DGKD: variants seen among roughly 807,000 people sequenced by gnomAD.
The protein encoded by DGKD is diacylglycerol kinase delta, also known as DAG kinase delta.
A neutral mutation model predicts 154.4 loss-of-function variants in DGKD; 68 were observed. The ratio of observed to expected loss-of-function variants is 0.44; its 90% CI spans 0.36 to 0.54. DGKD has a LOEUF of 0.54. Ranked by LOEUF, DGKD falls within the 20% of genes least tolerant of loss-of-function variation. DGKD has a pLI of 0.00. For synonymous variants in DGKD, 693 were observed against 638.0 expected (o/e 1.09, Z -1.30); for missense variants, 1,343 against 1,593.6 (o/e 0.84, Z 2.68).
At chr2:233,461,625 C>T (rs1309335981) in intron 24 of DGKD, among the ~76,000 whole-genome samples, 1 of 152,266 alleles carries the variant, frequency 6.6e-6, no homozygotes, top group Non-Finnish European at 1.5e-5. Context: ...CTTCTGGTGG[C>T]CTCCCCTGGA....
At position 233,449,339 on chromosome 2, in the gene DGKD, G is replaced by T; in HGVS notation, c.1851G>T (p.Lys617Asn). The change falls in exon 15 of 30, where the codon AAG becomes AAT. Residue 617 changes from lysine (K) to asparagine (N), a missense_variant. Lys to Asn is a moderately conservative substitution (Grantham distance 94). This residue lies in a region of DGKD where 409 missense variants were observed against 446.0 expected (regional missense o/e 0.92). Coordinates refer to ENST00000264057, the MANE Select transcript of DGKD (RefSeq NM_152879.3). The surrounding 1 kb of genome is among the most constrained non-coding windows in gnomAD (Gnocchi z 5.3). ...EQLMLRANSL[K>N]KAIRQIIEHT... ...TCATGCTGAGAGCCAACAGCCTGAA[G>T]AAAGCAATTCGTCAGATCATAGAAC... 1 of 1,607,696 alleles carries T rather than the reference G, an allele frequency of 6.2e-7. No individual in the cohort carries two copies. The highest frequency in any genetic ancestry group is 1.1e-5 in the South Asian group (1 of 90,976).
At chr2:233,388,411 G>A in intron 2 of DGKD, 44 bp downstream of exon 2, 1 of 1,569,356 alleles carries the variant, frequency 6.4e-7, no homozygotes, top group Non-Finnish European at 8.6e-7. Context: ...CATCACAGGA[G>A]CCGTCCCAGG....
rs201907264 is a variant in DGKD at position 233,405,162 on chromosome 2, T to C, written c.348+14679T>C. Among the ~76,000 whole-genome samples the C allele has an allele frequency of 6.2e-3, 940 of 152,352 alleles. 17 individuals are homozygous for C. The East Asian group carries it at 0.079, about 13-fold the overall frequency. Reference sequence around the variant, plus strand: ...ATGTTGTTATGGTTTGATTGTGTCCTCCAAAGTTCATGTGTTGGAAACTGA... The same window carrying C: ...ATGTTGTTATGGTTTGATTGTGTCCCCCAAAGTTCATGTGTTGGAAACTGA... On this transcript the variant is annotated intron_variant, in intron 3 of 29. Coordinates refer to ENST00000264057, the MANE Select transcript of DGKD (RefSeq NM_152879.3).
At position 233,460,396 on chromosome 2, in the gene DGKD, G is replaced by C. The variant is rs1306002310; in HGVS notation, c.2981+51G>C. The C allele has an allele frequency of 1.9e-6, 3 of 1,601,256 alleles. No homozygotes were observed. The African/African-American group carries it at 4.0e-5, about 21-fold the overall frequency. ...GCATGAGCCTCCCCCAGGGTCCCTGGGACTGCACTCTTCCAAGGCCCCTGG... is the reference window on the plus strand; with the variant it reads ...GCATGAGCCTCCCCCAGGGTCCCTGCGACTGCACTCTTCCAAGGCCCCTGG... On this transcript the variant is annotated intron_variant, in intron 24 of 29. Coordinates refer to ENST00000264057, the MANE Select transcript of DGKD (RefSeq NM_152879.3).
intron 3 of DGKD, among the ~76,000 whole-genome samples, chr2:233,422,823 C>T (rs564521706): frequency 6.6e-6 from 1 of 152,170 alleles, no homozygotes; most frequent in Non-Finnish European, 1.5e-5. Context: ...TTGCACAACT[C>T]CAGTACAATG....
intron 3 of DGKD, among the ~76,000 whole-genome samples, chr2:233,395,640 A>G (rs959969969): frequency 1.1e-3 from 72 of 65,994 alleles, no homozygotes; most frequent in Admixed American, 2.2e-3. Flanking sequence ...CTCTTTTTCT[A>G]TCTTCCTTTC....
chr2:233,452,188 C>A lies in DGKD; in HGVS notation c.2264+128C>A. The A allele has an allele frequency of 2.3e-6, 2 of 865,822 alleles. No homozygotes were observed. The highest frequency in any genetic ancestry group is 1.5e-5 in the South Asian group (1 of 64,732). The allele number at this position is 865,822 out of a possible 1,614,324, so 53.6% of individuals were successfully genotyped here. On this transcript the variant is annotated intron_variant, in intron 18 of 29. Transcript: ENST00000264057. The surrounding 1 kb of genome is among the most constrained non-coding windows in gnomAD (Gnocchi z 4.0). Reference sequence around the variant, plus strand: ...AGCTGGTGGTAGCTGATAAGGAAGGCTGAGAAGTCGTGGAGATTCCACTTA... The same window carrying A: ...AGCTGGTGGTAGCTGATAAGGAAGGATGAGAAGTCGTGGAGATTCCACTTA...
At chr2:233,389,792 C>T (rs565937576) in intron 2 of DGKD, among the ~76,000 whole-genome samples, 4 of 152,244 alleles carry the variant, frequency 2.6e-5, no homozygotes, top group South Asian at 2.1e-4. Context: ...GAGAGGGAGA[C>T]GGGGGAGGTC....
At chr2:233,429,770 C>T (rs777837044) in intron 3 of DGKD, among the ~76,000 whole-genome samples, 8 of 152,336 alleles carry the variant, frequency 5.3e-5, no homozygotes, top group East Asian at 3.9e-4. Flanking sequence ...CTGCCTTTGC[C>T]GTCTCTCCTT....
At chr2:233,381,950 T>C (rs1702926016) in intron 1 of DGKD, among the ~76,000 whole-genome samples, 1 of 152,138 alleles carries the variant, frequency 6.6e-6, no homozygotes, top group Non-Finnish European at 1.5e-5. Context: ...ATATGCAAAT[T>C]GGGCCAGGTG....
intron 16 of DGKD, among the ~76,000 whole-genome samples, 194 bp downstream of exon 16, chr2:233,450,325 G>C (rs922753059): frequency 6.6e-6 from 1 of 152,128 alleles, no homozygotes; most frequent in Admixed American, 6.5e-5. Context: ...TGTGCGGTCT[G>C]TCTTGGTGGA....
At chr2:233,363,789 G>A (rs1264872023) in intron 1 of DGKD, among the ~76,000 whole-genome samples, 1 of 152,216 alleles carries the variant, frequency 6.6e-6, no homozygotes, top group Non-Finnish European at 1.5e-5. Flanking sequence ...TTGAGTTATA[G>A]TTGCCTACAG....
chr2:233,358,485 C>T lies in DGKD; in HGVS notation c.156+3811C>T, dbSNP rs1229215285. Among the ~76,000 whole-genome samples the T allele has an allele frequency of 2.0e-5, 3 of 152,276 alleles. No individual in the cohort carries two copies. In the East Asian group the frequency reaches 5.8e-4, roughly 29 times the overall value. On this transcript the variant is annotated intron_variant, in intron 1 of 29. Transcript: ENST00000264057. ...TATGAGATATAATTCACATGGGATACAGTTCAGTGGTTGTTAGTATATTCG... is the reference window on the plus strand; with the variant it reads ...TATGAGATATAATTCACATGGGATATAGTTCAGTGGTTGTTAGTATATTCG...
At chr2:233,443,208 C>T (rs377104232) in intron 10 of DGKD, among the ~76,000 whole-genome samples, 50 of 152,302 alleles carry the variant, frequency 3.3e-4, no homozygotes, top group East Asian at 2.7e-3. Context: ...AGTTTTTGTC[C>T]AGCTAAGTAG....
rs1575173795 is a variant in DGKD at position 233,462,645 on chromosome 2, G to A, written c.3096G>A (p.Gly1032=). 3 of 1,614,048 alleles carry A rather than the reference G, an allele frequency of 1.9e-6. No homozygotes were observed. Among genetic ancestry groups the A allele is most frequent in the Non-Finnish European group, 2.5e-6 (3 of 1,179,938 alleles). The change falls in exon 26 of 30, where the codon GGG becomes GGA. Residue 1032 remains glycine (G), a splice_region_variant and synonymous_variant. Coordinates refer to ENST00000264057, the MANE Select transcript of DGKD (RefSeq NM_152879.3). ...RVYGKPRTTE[G]LNCSFVLEMV... The stretch of plus-strand genomic sequence containing the variant: ...CATATTTGCCTGGTTTCTTCTAGGG[G>A]CTCAACTGCAGCTTCGTCCTGGAAA...
intron 3 of DGKD, among the ~76,000 whole-genome samples, chr2:233,393,506 T>G (rs778194036): frequency 9.2e-5 from 14 of 151,434 alleles, no homozygotes; most frequent in Non-Finnish European, 1.6e-4. Context: ...CTGGCTGATT[T>G]TTGTATTTTT....
intron 24 of DGKD, among the ~76,000 whole-genome samples, chr2:233,460,629 G>A (rs888800726): frequency 1.3e-5 from 2 of 152,172 alleles, no homozygotes; most frequent in South Asian, 2.1e-4. Context: ...GGTGGCTCAC[G>A]CCTGTAATCC....
intron 1 of DGKD, among the ~76,000 whole-genome samples, chr2:233,375,087 C>T (rs961636292): frequency 1.3e-5 from 2 of 152,086 alleles, no homozygotes; most frequent in Non-Finnish European, 2.9e-5. Context: ...GTCAGGAGTT[C>T]GAGACCAGCC....
chr2:233,405,689 A>G (rs1432532941), intron 3 of DGKD, among the ~76,000 whole-genome samples: 1 of 152,168 alleles, frequency 6.6e-6, no homozygotes, highest in Non-Finnish European at 1.5e-5. Context: ...CCCTCACCAG[A>G]TGCCGCACCA....
Sources: allele counts gnomAD v4.1 joint callset (sites outside exome capture counted in the v4.1 genomes callset), GRCh38; gene constraint gnomAD v4.1.1; regional missense constraint gnomAD v4.1.1; non-coding constraint Gnocchi (gnomAD v3.1); transcripts MANE v1.5; gene names NCBI Gene and HGNC (gene_info 2026-07-23, HGNC 2026-07-21).